Variants in OXSR1 observed in about 807,000 individuals in gnomAD.
OXSR1 encodes the protein oxidative stress responsive kinase 1, also known as serine/threonine-protein kinase OSR1.
OXSR1 carries 24 observed loss-of-function variants against 79.8 expected under a neutral mutation model. The observed-to-expected ratio is 0.30, with a 90% CI of 0.22 to 0.42. The LOEUF (loss-of-function observed/expected upper bound fraction) is 0.42. Ranked by LOEUF, OXSR1 falls within the 10% of genes least tolerant of loss-of-function variation. OXSR1 has a pLI of 1.00. For synonymous variants in OXSR1, 226 were observed against 209.2 expected (o/e 1.08, Z -0.69); for missense variants, 430 against 618.4 (o/e 0.70, Z 3.23).
chr3:38,175,092 A>G (rs967157648), intron 1 of OXSR1, among the ~76,000 whole-genome samples: 1 of 152,220 alleles, frequency 6.6e-6, no homozygotes, highest in Non-Finnish European at 1.5e-5. Flanking sequence ...GGTTCAGGTG[A>G]CAATACTTTA....
chr3:38,222,212 GCTGT>G lies in OXSR1; in HGVS notation c.600+528_600+531del, dbSNP rs149860744. Among the ~76,000 whole-genome samples the G allele has an allele frequency of 7.3e-4, 111 of 152,338 alleles. No homozygotes were observed. In the East Asian group the frequency reaches 0.018, roughly 24 times the overall value. On this transcript the variant is annotated intron_variant, in intron 6 of 17. Transcript: ENST00000311806. ...TGACACTGGACAGATGAGATTGACAGCTGTCTATTAGTCACATATACTCACAGCC... is the reference window on the plus strand; with the variant it reads ...TGACACTGGACAGATGAGATTGACAGCTATTAGTCACATATACTCACAGCC...
intron 14 of OXSR1, among the ~76,000 whole-genome samples, chr3:38,248,883 G>A (rs1388681084): frequency 2.0e-5 from 3 of 151,978 alleles, no homozygotes; most frequent in Admixed American, 6.6e-5. Flanking sequence ...AGCACTCTTC[G>A]GTACTGTGGA....
At chr3:38,180,881 T>G (rs1013751244) in intron 1 of OXSR1, among the ~76,000 whole-genome samples, 2 of 152,114 alleles carry the variant, frequency 1.3e-5, no homozygotes, top group African/African-American at 4.8e-5. Flanking sequence ...CTGACCCTCC[T>G]GCTTCCCTCT....
chr3:38,225,092 T>G (rs1702664815), intron 8 of OXSR1: 1 of 152,968 alleles, frequency 6.5e-6, no homozygotes, highest in African/African-American at 2.4e-5. Flanking sequence ...ATAATCATAC[T>G]TATTTCCATG....
intron 2 of OXSR1, 77 bp downstream of exon 2, chr3:38,183,192 T>C (rs1701819043): frequency 4.9e-6 from 3 of 614,728 alleles, no homozygotes; most frequent in Admixed American, 3.9e-5. Flanking sequence ...ACTTGAAGTT[T>C]TTGATTTGTT....
At position 38,254,662 on chromosome 3, in the gene OXSR1, GAGAT is replaced by G. The variant is rs199787905; in HGVS notation, c.*1774_*1777del. ...GGAGGTAGGAATGAGGTATAGAAAA[GAGAT>G]AGCATCTTCTTTGGCACAAGACTAG... On this transcript the variant is annotated 3_prime_UTR_variant, in exon 18 of 18. Transcript: ENST00000311806. 6.8e-5 allele frequency: 11 copies of G among 160,938 alleles called. No individual in the cohort carries two copies. The East Asian group carries it at 1.9e-3, about 28-fold the overall frequency. 10.0% of individuals were successfully genotyped at this position (160,938 alleles called of 1,614,324 possible). A position where few individuals can be genotyped will look rare whatever the true frequency, so the allele number is the denominator to read the frequency against.
At chr3:38,233,613 G>A (rs1463370497) in intron 10 of OXSR1, among the ~76,000 whole-genome samples, 1 of 152,180 alleles carries the variant, frequency 6.6e-6, no homozygotes, top group African/African-American at 2.4e-5. Context: ...ACTGTCTTTA[G>A]AGATAAGAGT....
intron 4 of OXSR1, among the ~76,000 whole-genome samples, chr3:38,215,587 A>G (rs190412788): frequency 6.6e-6 from 1 of 152,306 alleles, no homozygotes; most frequent in Admixed American, 6.5e-5. Flanking sequence ...CTTGAGAATG[A>G]TGGTCAAAGG....
At chr3:38,216,860 T>G (rs999409717) in intron 5 of OXSR1, among the ~76,000 whole-genome samples, 3 of 152,100 alleles carry the variant, frequency 2.0e-5, no homozygotes, top group African/African-American at 7.2e-5. Flanking sequence ...GTCCGTGAGG[T>G]AAGGAAATAT....
intron 3 of OXSR1, chr3:38,193,219 A>G: frequency 3.2e-6 from 4 of 1,232,886 alleles, no homozygotes; most frequent in South Asian, 1.3e-5. Flanking sequence ...AATAGTAATA[A>G]GCCCTTGTTA....
intron 1 of OXSR1, among the ~76,000 whole-genome samples, chr3:38,170,520 G>T (rs1173507642): frequency 6.6e-6 from 1 of 151,272 alleles, no homozygotes; most frequent in African/African-American, 2.4e-5. Context: ...TTTAGCTCTT[G>T]CATTTAAGCC....
In OXSR1 at chr3:38,223,965, A is replaced by G. The variant is rs548130014; in HGVS notation, c.702+52A>G. The G allele has an allele frequency of 5.5e-6, 6 of 1,082,774 alleles. No homozygotes were observed. The Admixed American group carries it at 7.0e-5, about 13-fold the overall frequency. The allele number at this position is 1,082,774 out of a possible 1,614,324, so 67.1% of individuals were successfully genotyped here. A position where few individuals can be genotyped will look rare whatever the true frequency, so the allele number is the denominator to read the frequency against. The stretch of plus-strand genomic sequence containing the variant: ...CCAGCTCAAGTCCCAATTCCTTTTC[A>G]GAGCCATTTGCCAGTCTTTTAATTT... On this transcript the variant is annotated intron_variant, in intron 7 of 17. Transcript: ENST00000311806.
In OXSR1 at chr3:38,222,385, G is replaced by C. The variant is rs554621491; in HGVS notation, c.600+698G>C. Among the ~76,000 whole-genome samples, 6 of 152,280 alleles carry C rather than the reference G, an allele frequency of 3.9e-5. No homozygotes were observed. The East Asian group carries it at 1.2e-3, about 29-fold the overall frequency. On this transcript the variant is annotated intron_variant, in intron 6 of 17. Coordinates refer to ENST00000311806, the MANE Select transcript of OXSR1 (RefSeq NM_005109.3). ...TGGTTTCCTTGAGAAGATAAGATTGGCTGACACGGAACCGAAATCTGCTTC... is the reference window on the plus strand; with the variant it reads ...TGGTTTCCTTGAGAAGATAAGATTGCCTGACACGGAACCGAAATCTGCTTC...
chr3:38,166,538 A>T (rs1701462712), intron 1 of OXSR1, among the ~76,000 whole-genome samples: 1 of 152,146 alleles, frequency 6.6e-6, no homozygotes, highest in African/African-American at 2.4e-5. Context: ...CACGCCTGTA[A>T]TCCCACCACT....
intron 10 of OXSR1, among the ~76,000 whole-genome samples, chr3:38,230,871 A>G (rs1392949369): frequency 2.0e-5 from 3 of 152,212 alleles, no homozygotes; most frequent in African/African-American, 7.2e-5. Context: ...AGAATGCTTT[A>G]ATATCTCAGT....
rs544859240 is a variant in OXSR1, at chr3:38,190,452, C to T, written c.184-279C>T. 2.6e-5 allele frequency among the ~76,000 whole-genome samples: 4 copies of T among 152,154 alleles called. No homozygotes were observed. In the South Asian group the frequency reaches 8.3e-4, roughly 32 times the overall value. ...GGCACCTTGAAGCAAAAATATATGT[C>T]CCAAAGGAGGCCTCCTGGAGTGTTG... is the stretch of plus-strand genomic sequence containing the variant. On this transcript the variant is annotated intron_variant, in intron 2 of 17. Transcript: ENST00000311806.
At chr3:38,173,178 A>G (rs1432400143) in intron 1 of OXSR1, among the ~76,000 whole-genome samples, 3 of 152,242 alleles carry the variant, frequency 2.0e-5, no homozygotes, top group Non-Finnish European at 4.4e-5. Flanking sequence ...AGCTGGACAC[A>G]TTATTACTTC....
chr3:38,214,930 C>A (rs1702453698), intron 4 of OXSR1, among the ~76,000 whole-genome samples: 1 of 152,202 alleles, frequency 6.6e-6, no homozygotes, highest in Admixed American at 6.5e-5. Flanking sequence ...CTTTTCATGA[C>A]AAATAAGACG....
intron 4 of OXSR1, among the ~76,000 whole-genome samples, chr3:38,214,529 A>G (rs770195601): frequency 1.6e-4 from 25 of 152,200 alleles, no homozygotes; most frequent in Non-Finnish European, 3.2e-4. Context: ...GTGAGCTCAG[A>G]AAAGGGAGTT....
Sources: allele counts gnomAD v4.1 joint callset (sites outside exome capture counted in the v4.1 genomes callset), GRCh38; gene constraint gnomAD v4.1.1; transcripts MANE v1.5; gene names NCBI Gene and HGNC (gene_info 2026-07-23, HGNC 2026-07-21).